Variants in PALMD observed in about 807,000 individuals in gnomAD.
The protein encoded by PALMD is paralemmin-like protein.
In PALMD, 42 loss-of-function variants were observed where a neutral mutation model predicts 56.2. The observed-to-expected ratio is 0.75, with a 90% CI of 0.58 to 0.97. PALMD has a LOEUF of 0.97. PALMD is among the 50% of genes least tolerant of loss of function. The pLI is 0.00. For synonymous variants in PALMD, 242 were observed against 222.9 expected (o/e 1.09, Z -0.76); for missense variants, 660 against 643.8 (o/e 1.03, Z -0.27).
At chr1:99,649,373 C>T (rs974662147) in intron 1 of PALMD, among the ~76,000 whole-genome samples, 1 of 152,080 alleles carries the variant, frequency 6.6e-6, no homozygotes, top group African/African-American at 2.4e-5. Flanking sequence ...AAAAGGTGAG[C>T]TAATTGGAAT....
In PALMD at chr1:99,688,818, T is replaced by C. The variant is rs145481246; in HGVS notation, c.558T>C (p.Thr186=). The part of the protein sequence containing the change: ...MEIKVEKDLK[T]GESTVLSSIP... ...TTAAAGTTGAAAAAGACTTGAAGAC[T>C]GGAGAAAGTACAGTTCTGTCTTCAA... Residue 186 remains threonine (T), a synonymous_variant, in exon 7 of 8, where the codon ACT becomes ACC. Coordinates refer to ENST00000263174, the MANE Select transcript of PALMD (RefSeq NM_017734.5). 6.2e-7 allele frequency: 1 copy of C among 1,608,330 alleles called. No individual in the cohort carries two copies. Among genetic ancestry groups the C allele is most frequent in the Non-Finnish European group, 8.5e-7 (1 of 1,176,002 alleles).
chr1:99,646,311 T>G lies in PALMD; in HGVS notation c.-7T>G. 1 of 1,612,884 alleles carries G rather than the reference T, an allele frequency of 6.2e-7. No individual in the cohort carries two copies. Among genetic ancestry groups the G allele is most frequent in the Non-Finnish European group, 8.5e-7 (1 of 1,178,842 alleles). On this transcript the variant is annotated 5_prime_UTR_variant, in exon 1 of 8. Transcript: ENST00000263174. ...GCTTCCCCGTCTGACTGTCCTTGAC[T>G]TCTAGAATGGAAGAAGCTGAGCTGG...
chr1:99,655,930 A>G (rs1652714069), intron 1 of PALMD, among the ~76,000 whole-genome samples: 1 of 103,868 alleles, frequency 9.6e-6, no homozygotes, highest in African/African-American at 3.5e-5. Context: ...AGCATAACAC[A>G]CACGCACACA....
Position 99,646,218 on chromosome 1 carries a change from T to A in PALMD, c.-100T>A. 1 of 913,070 alleles carries A rather than the reference T, an allele frequency of 1.1e-6. No homozygotes were observed. Among genetic ancestry groups the A allele is most frequent in the Non-Finnish European group, 1.8e-6 (1 of 550,944 alleles). 56.6% of individuals were successfully genotyped at this position (913,070 alleles called of 1,614,324 possible). A position where few individuals can be genotyped will look rare whatever the true frequency, so the allele number is the denominator to read the frequency against. On this transcript the variant is annotated 5_prime_UTR_variant, in exon 1 of 8. Transcript: ENST00000263174. ...CTGGTGCAAAGAGCGGATTTCTCCC[T>A]GCTTCTCTTCTGTCACCCCCGCTCC...
At position 99,689,437 on chromosome 1, in the gene PALMD, G is replaced by A. The variant is rs974355028; in HGVS notation, c.1177G>A (p.Glu393Lys). 4 of 1,613,566 alleles carry A rather than the reference G, an allele frequency of 2.5e-6. No individual in the cohort carries two copies. In the African/African-American group the frequency reaches 4.0e-5, roughly 16 times the overall value. ...NSSPTCQEDE[E>K]DVRYNIVHSL... ...TTCACCCACTTGTCAGGAGGACGAGGAAGATGTCAGATATAATATCGTTCA... is the reference window on the plus strand; with the variant it reads ...TTCACCCACTTGTCAGGAGGACGAGAAAGATGTCAGATATAATATCGTTCA... Residue 393 changes from glutamate to lysine, a missense_variant, in exon 7 of 8, where the codon GAA becomes AAA. Coordinates refer to ENST00000263174, the MANE Select transcript of PALMD (RefSeq NM_017734.5).
chr1:99,667,178 A>G (rs1652983413), intron 2 of PALMD, among the ~76,000 whole-genome samples: 2 of 152,174 alleles, frequency 1.3e-5, no homozygotes, highest in Admixed American at 1.3e-4. Flanking sequence ...CAGTCATTGC[A>G]TGCTCTCACC....
rs1653590999 is a variant in PALMD at position 99,688,963 on chromosome 1, G to T, written c.703G>T (p.Ala235Ser). The stretch of plus-strand genomic sequence containing the variant: ...AGCATACAATGGCACCGATGGCCTG[G>T]CACCAGTTGAAGTAGAGGAACTTCT... ...SAAYNGTDGL[A>S]PVEVEELLRQ... The change falls in exon 7 of 8, where the codon GCA becomes TCA. Residue 235 changes from alanine to serine, a missense_variant. Physicochemically the swap from Ala to Ser is moderately conservative, Grantham distance 99. Coordinates refer to ENST00000263174, the MANE Select transcript of PALMD (RefSeq NM_017734.5). 25 of 1,613,542 alleles carry T rather than the reference G, an allele frequency of 1.5e-5. No homozygotes were observed. The highest frequency in any genetic ancestry group is 2.1e-5 in the Non-Finnish European group (25 of 1,179,632).
intron 1 of PALMD, among the ~76,000 whole-genome samples, chr1:99,654,834 T>C (rs1652683767): frequency 6.6e-6 from 1 of 152,168 alleles, no homozygotes; most frequent in Admixed American, 6.5e-5. Flanking sequence ...TTGGTTGATT[T>C]CTCTGATTTG....
intron 1 of PALMD, among the ~76,000 whole-genome samples, chr1:99,648,480 G>C (rs1652491868): frequency 6.6e-6 from 1 of 152,024 alleles, no homozygotes; most frequent in Non-Finnish European, 1.5e-5. Context: ...TTTCATTTTT[G>C]GAAATGCTTA....
At chr1:99,652,491 C>T (rs1295445817) in intron 1 of PALMD, among the ~76,000 whole-genome samples, 2 of 151,922 alleles carry the variant, frequency 1.3e-5, no homozygotes, top group Admixed American at 6.6e-5. Context: ...GTAATCCCAG[C>T]TACTTGGGAA....
chr1:99,681,156 T>TAGAGAGAGAGAG (rs1399667607), intron 3 of PALMD, among the ~76,000 whole-genome samples: 36 of 151,594 alleles, frequency 2.4e-4, no homozygotes, highest in African/African-American at 8.5e-4. Flanking sequence ...TATATATGTA[T>TAGAGAGAGAGAG]AGAGCCCGGA....
chr1:99,650,839 G>T (rs192274000), intron 1 of PALMD, among the ~76,000 whole-genome samples: 1 of 152,068 alleles, frequency 6.6e-6, no homozygotes, highest in African/African-American at 2.4e-5. Flanking sequence ...TTCCTTATTC[G>T]TTCTATCTGA....
intron 2 of PALMD, among the ~76,000 whole-genome samples, chr1:99,667,296 A>C (rs953614465): frequency 2.6e-5 from 4 of 152,208 alleles, no homozygotes; most frequent in African/African-American, 9.6e-5. Flanking sequence ...ATGAGGTCCC[A>C]TTATGACTGT....
intron 1 of PALMD, among the ~76,000 whole-genome samples, chr1:99,654,466 C>T (rs1248768080): frequency 1.3e-5 from 2 of 151,984 alleles, no homozygotes; most frequent in Non-Finnish European, 2.9e-5. Context: ...AAAACTCTAC[C>T]AAGTGACATA....
intron 1 of PALMD, among the ~76,000 whole-genome samples, chr1:99,647,625 T>A (rs1652472215): frequency 6.6e-6 from 1 of 152,236 alleles, no homozygotes; most frequent in African/African-American, 2.4e-5. Flanking sequence ...TCAGCCACCA[T>A]CTCAGCTGTC....
intron 3 of PALMD, 79 bp from the exon 4 acceptor site, chr1:99,686,574 ACATGCATATTCCAAGGAAACTTT>A: frequency 1.6e-6 from 1 of 611,960 alleles, no homozygotes; most frequent in Non-Finnish European, 2.9e-6. Context: ...CTGGCTACTT[ACATGCATATTCCAAGGAAACTTT>A]ATATATGGGG....
chr1:99,686,988 AT>A (rs1167898152), intron 5 of PALMD, 25 bp downstream of exon 5: 1 of 1,548,034 alleles, frequency 6.5e-7, no homozygotes, highest in South Asian at 1.2e-5. Context: ...AACTTATTTT[AT>A]GTTAAACTAA....
At chr1:99,654,794 G>A (rs1652682823) in intron 1 of PALMD, among the ~76,000 whole-genome samples, 1 of 151,932 alleles carries the variant, frequency 6.6e-6, no homozygotes, top group Non-Finnish European at 1.5e-5. Context: ...TTGTTTGGTT[G>A]GTTGGTTGCT....
intron 1 of PALMD, among the ~76,000 whole-genome samples, chr1:99,649,620 C>T (rs917596027): frequency 8.5e-5 from 13 of 152,162 alleles, no homozygotes; most frequent in Non-Finnish European, 1.8e-4. Context: ...CACAAAGATT[C>T]CCTTAGGATG....
Sources: gnomAD v4.1 joint callset for allele counts (sites outside exome capture counted in the v4.1 genomes callset) on GRCh38, gnomAD v4.1.1 for gene constraint, MANE v1.5 for transcripts, NCBI Gene and HGNC (gene_info 2026-07-23, HGNC 2026-07-21) for gene names.